Variants in FBXL7 observed in about 807,000 individuals in gnomAD.
FBXL7 encodes the protein F-box and leucine rich repeat protein 7.
FBXL7 carries 12 observed loss-of-function variants against 38.3 expected under a neutral mutation model. The observed-to-expected ratio is 0.31, with a 90% CI of 0.20 to 0.51. The LOEUF is 0.51. FBXL7 is among the 20% of genes least tolerant of loss of function. The probability of loss-of-function intolerance (pLI) is 0.98; values close to 1 mark genes in which losing one functional copy is unlikely to be tolerated. For synonymous variants in FBXL7, 297 were observed against 300.9 expected (o/e 0.99, Z 0.13); for missense variants, 567 against 676.4 (o/e 0.84, Z 1.79).
chr5:15,728,976 A>G (rs1230928944), intron 2 of FBXL7, among the ~76,000 whole-genome samples: 1 of 152,188 alleles, frequency 6.6e-6, no homozygotes, highest in Non-Finnish European at 1.5e-5. Flanking sequence ...TCCATGTCAT[A>G]TAATTAAGAA....
intron 2 of FBXL7, among the ~76,000 whole-genome samples, chr5:15,814,906 G>A (rs1029781909): frequency 3.9e-5 from 6 of 152,086 alleles, no homozygotes; most frequent in Non-Finnish European, 5.9e-5. Context: ...CTGTATGAAT[G>A]GCCCTGCATT....
chr5:15,773,149 T>G (rs532159562), intron 2 of FBXL7, among the ~76,000 whole-genome samples: 42 of 152,282 alleles, frequency 2.8e-4, no homozygotes, highest in African/African-American at 9.6e-4. Context: ...TCCTCCTGCC[T>G]TGGCGTCCCC....
chr5:15,823,431 A>G (rs1326873735), intron 2 of FBXL7, among the ~76,000 whole-genome samples: 1 of 152,212 alleles, frequency 6.6e-6, no homozygotes, highest in Non-Finnish European at 1.5e-5. Flanking sequence ...TCTCACACAT[A>G]TTTCCTAGAA....
At chr5:15,584,648 C>T (rs1379614031) in intron 1 of FBXL7, among the ~76,000 whole-genome samples, 1 of 152,210 alleles carries the variant, frequency 6.6e-6, no homozygotes, top group African/African-American at 2.4e-5. Context: ...CTGGGCTCTC[C>T]AAACTGTTCA....
intron 1 of FBXL7, among the ~76,000 whole-genome samples, chr5:15,592,581 G>C (rs969590012): frequency 6.6e-6 from 1 of 152,136 alleles, no homozygotes; most frequent in African/African-American, 2.4e-5. Context: ...TTAAATGTGA[G>C]TACTGCTGAC....
At chr5:15,891,117 G>GA (rs1432624616) in intron 2 of FBXL7, among the ~76,000 whole-genome samples, 2 of 152,140 alleles carry the variant, frequency 1.3e-5, no homozygotes, top group Non-Finnish European at 2.9e-5. Flanking sequence ...GAAATACTGA[G>GA]ATGGAGTACT....
At chr5:15,840,431 A>T (rs1738714426) in intron 2 of FBXL7, among the ~76,000 whole-genome samples, 1 of 152,212 alleles carries the variant, frequency 6.6e-6, no homozygotes. Context: ...CAGTTTGTCA[A>T]GTTCCACAGA....
intron 2 of FBXL7, among the ~76,000 whole-genome samples, chr5:15,687,526 T>C (rs1743049991): frequency 6.6e-6 from 1 of 152,204 alleles, no homozygotes; most frequent in South Asian, 2.1e-4. Flanking sequence ...AAGTGGATAA[T>C]GATCATTTCA....
intron 3 of FBXL7, among the ~76,000 whole-genome samples, chr5:15,932,557 C>A (rs892879511): frequency 3.3e-5 from 5 of 152,172 alleles, no homozygotes; most frequent in Non-Finnish European, 5.9e-5. Context: ...TCAAAGCAGT[C>A]CCCTGATCTC....
chr5:15,781,699 G>A (rs1736997676), intron 2 of FBXL7, among the ~76,000 whole-genome samples: 1 of 152,062 alleles, frequency 6.6e-6, no homozygotes, highest in South Asian at 2.1e-4. Context: ...TACTTTAAAT[G>A]TAAATGAGAA....
chr5:15,903,880 T>C (rs1741290882), intron 2 of FBXL7, among the ~76,000 whole-genome samples: 1 of 152,200 alleles, frequency 6.6e-6, no homozygotes, highest in East Asian at 1.9e-4. Flanking sequence ...TTTCACAATA[T>C]AAAAATCAGA....
intron 2 of FBXL7, among the ~76,000 whole-genome samples, chr5:15,903,824 C>A (rs1741289675): frequency 6.6e-6 from 1 of 152,156 alleles, no homozygotes; most frequent in Admixed American, 6.5e-5. Context: ...TCAAAGAAAT[C>A]CAGTACAGAG....
chr5:15,630,682 A>G (rs1223134110), intron 2 of FBXL7, among the ~76,000 whole-genome samples: 1 of 152,192 alleles, frequency 6.6e-6, no homozygotes, highest in African/African-American at 2.4e-5. Flanking sequence ...TGTTTTGTTT[A>G]GCTGTATTGG....
intron 2 of FBXL7, among the ~76,000 whole-genome samples, chr5:15,720,257 C>A (rs75396722): frequency 0.058 from 8,592 of 148,644 alleles, 909 homozygotes; most frequent in South Asian, 0.093. Flanking sequence ...ATTTTCCTTG[C>A]AGTCTTCTTT....
chr5:15,577,387 T>TTA (rs1416729016), intron 1 of FBXL7, among the ~76,000 whole-genome samples: 1 of 152,128 alleles, frequency 6.6e-6, no homozygotes, highest in Non-Finnish European at 1.5e-5. Context: ...TGCCACTGTC[T>TTA]TATCAGAGAA....
intron 2 of FBXL7, among the ~76,000 whole-genome samples, chr5:15,847,518 C>T (rs564871840): frequency 6.6e-6 from 1 of 152,222 alleles, no homozygotes; most frequent in Admixed American, 6.5e-5. Flanking sequence ...ACCATATCAG[C>T]CCCCACAATA....
At chr5:15,554,682 C>T (rs1214501455) in intron 1 of FBXL7, among the ~76,000 whole-genome samples, 5 of 152,176 alleles carry the variant, frequency 3.3e-5, no homozygotes, top group Non-Finnish European at 5.9e-5. Flanking sequence ...ATCAGCATTT[C>T]TACCAGACCT....
rs112578833 is a variant in FBXL7, at chr5:15,652,391, C to T, written c.127+36319C>T. Among the ~76,000 whole-genome samples the T allele has an allele frequency of 1.8e-3, 279 of 152,136 alleles. 9 individuals carry two copies. In the South Asian group the frequency reaches 0.052, roughly 29 times the overall value. On this transcript the variant is annotated intron_variant, in intron 2 of 3. Transcript: ENST00000504595. Reference sequence around the variant, plus strand: ...ACGCCATTCTCCTGCCTCAGCCTCCCGAGTAGCTGGGACTACAGGTGCCCG... The same window carrying T: ...ACGCCATTCTCCTGCCTCAGCCTCCTGAGTAGCTGGGACTACAGGTGCCCG...
chr5:15,764,211 G>A (rs1736526070), intron 2 of FBXL7, among the ~76,000 whole-genome samples: 1 of 152,182 alleles, frequency 6.6e-6, no homozygotes, highest in South Asian at 2.1e-4. Flanking sequence ...TTCATAAAAT[G>A]GAGACTGACC....
Sources: gnomAD v4.1 joint callset for allele counts (sites outside exome capture counted in the v4.1 genomes callset) on GRCh38, gnomAD v4.1.1 for gene constraint, MANE v1.5 for transcripts, NCBI Gene and HGNC (gene_info 2026-07-23, HGNC 2026-07-21) for gene names.